Variants in CPNE4 observed in about 807,000 individuals in gnomAD.
The protein encoded by CPNE4 is copine-4.
In CPNE4, 25 loss-of-function variants were observed where a neutral mutation model predicts 67.9. The ratio of observed to expected loss-of-function variants is 0.37; its 90% CI spans 0.27 to 0.51. The LOEUF is 0.51. Among genes scored for constraint, CPNE4 ranks in the 20% least tolerant of loss-of-function variants. The pLI is 0.93. For synonymous variants in CPNE4, 242 were observed against 244.9 expected, an observed-to-expected ratio of 0.99 and a Z score of 0.11; for missense variants, 464 against 690.8, an observed-to-expected ratio of 0.67 and a Z score of 3.68.
At chr3:131,666,530 CAAA>C (rs1271683158) in intron 7 of CPNE4, among the ~76,000 whole-genome samples, 2 of 152,024 alleles carry the variant, frequency 1.3e-5, no homozygotes, top group African/African-American at 4.8e-5. Context: ...AAGTTTATAT[CAAA>C]AGAATTCAAG....
intron 10 of CPNE4, among the ~76,000 whole-genome samples, chr3:131,572,734 A>G (rs1219650820): frequency 6.6e-6 from 1 of 152,078 alleles, no homozygotes; most frequent in Non-Finnish European, 1.5e-5. Context: ...CTCAGGAGCC[A>G]AGGGTCACAT....
intron 1 of CPNE4, among the ~76,000 whole-genome samples, chr3:131,994,521 T>C (rs1431986665): frequency 5.8e-5 from 5 of 85,624 alleles, no homozygotes; most frequent in Admixed American, 1.8e-4. Context: ...TATATGCATA[T>C]TAAAGTCTGA....
At chr3:131,854,567 G>T (rs1190234806) in intron 2 of CPNE4, among the ~76,000 whole-genome samples, 1 of 151,678 alleles carries the variant, frequency 6.6e-6, no homozygotes, top group South Asian at 2.1e-4. Context: ...GTTAAAAATG[G>T]TTCCCAAAAT....
chr3:131,700,649 C>G (rs1439273821), intron 3 of CPNE4, among the ~76,000 whole-genome samples: 2 of 152,170 alleles, frequency 1.3e-5, no homozygotes, highest in East Asian at 3.9e-4. Context: ...GGCATTGAAG[C>G]CATGATTGGT....
At chr3:131,702,144 T>C (rs2081316371) in intron 3 of CPNE4, among the ~76,000 whole-genome samples, 1 of 152,072 alleles carries the variant, frequency 6.6e-6, no homozygotes, top group Non-Finnish European at 1.5e-5. Context: ...GAAGAGAAAA[T>C]ATTTCTGTAA....
At chr3:131,797,961 T>G (rs960828722) in intron 2 of CPNE4, among the ~76,000 whole-genome samples, 1 of 152,148 alleles carries the variant, frequency 6.6e-6, no homozygotes. Flanking sequence ...TGGTTCCCAG[T>G]GAGGGTTCTC....
chr3:131,954,124 A>C (rs1033224562), intron 1 of CPNE4, among the ~76,000 whole-genome samples: 11 of 152,196 alleles, frequency 7.2e-5, no homozygotes, highest in Non-Finnish European at 1.5e-4. Context: ...CACAGCACAC[A>C]GGAAAATATA....
At chr3:131,966,678 G>A (rs759918468) in intron 1 of CPNE4, among the ~76,000 whole-genome samples, 1 of 152,116 alleles carries the variant, frequency 6.6e-6, no homozygotes, top group Non-Finnish European at 1.5e-5. Flanking sequence ...CCAGGAAGAA[G>A]TCGAATCCCA....
At chr3:131,784,064 C>T (rs944766147) in intron 2 of CPNE4, among the ~76,000 whole-genome samples, 1 of 152,102 alleles carries the variant, frequency 6.6e-6, no homozygotes, top group Non-Finnish European at 1.5e-5. Flanking sequence ...TTAACTCTCA[C>T]TTGTGCTGAC....
intron 2 of CPNE4, among the ~76,000 whole-genome samples, chr3:131,851,536 C>G (rs2086242395): frequency 6.6e-6 from 1 of 152,046 alleles, no homozygotes; most frequent in Admixed American, 6.6e-5. Context: ...GTTTGACTTC[C>G]ATGCTCACAT....
chr3:131,926,790 T>C (rs1449513518), intron 1 of CPNE4, among the ~76,000 whole-genome samples: 1 of 152,170 alleles, frequency 6.6e-6, no homozygotes, highest in Non-Finnish European at 1.5e-5. Flanking sequence ...CCAAAATTCC[T>C]TTAATACCCT....
rs2071424814 is a variant in CPNE4 at position 131,942,463 on chromosome 3, T to TGTGTGTGA, written c.-1-37020_-1-37019insTCACACAC. Among the ~76,000 whole-genome samples the TGTGTGTGA allele has an allele frequency of 1.3e-3, 91 of 70,744 alleles. 1 individual carries two copies. The highest frequency in any genetic ancestry group is 4.5e-3 in the African/African-American group (90 of 20,052). 46.4% of individuals were successfully genotyped at this position (70,744 alleles called of 152,430 possible). A position where few individuals can be genotyped will look rare whatever the true frequency, so the allele number is the denominator to read the frequency against. ...GTGTGTGTGTGTGTGTGTGTGTGTGTGAGAGAGAGAGAGAGAGAGAGAGAG... is the reference window on the plus strand; with the variant it reads ...GTGTGTGTGTGTGTGTGTGTGTGTGTGTGTGTGAGAGAGAGAGAGAGAGAGAGAGAGAG... On this transcript the variant is annotated intron_variant, in intron 1 of 15. Coordinates refer to ENST00000429747, the MANE Select transcript of CPNE4 (RefSeq NM_130808.3).
intron 1 of CPNE4, among the ~76,000 whole-genome samples, chr3:132,031,124 C>T (rs956666662): frequency 6.6e-6 from 1 of 152,174 alleles, no homozygotes; most frequent in African/African-American, 2.4e-5. Flanking sequence ...TTGCCATCTA[C>T]ATTCAATCAG....
intron 10 of CPNE4, among the ~76,000 whole-genome samples, chr3:131,565,677 T>C (rs1937018283): frequency 6.6e-6 from 1 of 152,022 alleles, no homozygotes; most frequent in African/African-American, 2.4e-5. Flanking sequence ...TGTTCATCTG[T>C]GTTATGTTTT....
chr3:132,001,549 A>AGAAGAG (rs60979385), intron 1 of CPNE4, among the ~76,000 whole-genome samples: 14,317 of 109,694 alleles, frequency 0.13, 1,199 homozygotes, highest in East Asian at 0.18. Context: ...AGACAAAGAA[A>AGAAGAG]AAAGAGAAAG....
chr3:131,918,724 T>G (rs1026300868), intron 1 of CPNE4, among the ~76,000 whole-genome samples: 19 of 152,306 alleles, frequency 1.2e-4, no homozygotes, highest in African/African-American at 4.3e-4. Context: ...ACAGTTTTTT[T>G]GTAACAGGAC....
chr3:131,636,180 G>T (rs1291151461), intron 7 of CPNE4, among the ~76,000 whole-genome samples: 1 of 152,054 alleles, frequency 6.6e-6, no homozygotes, highest in East Asian at 1.9e-4. Flanking sequence ...GGCTCCCTGA[G>T]ATGCCAAAAA....
At chr3:132,006,057 C>T (rs899514886) in intron 1 of CPNE4, among the ~76,000 whole-genome samples, 5 of 152,134 alleles carry the variant, frequency 3.3e-5, no homozygotes, top group African/African-American at 1.2e-4. Flanking sequence ...ACATCCAGTA[C>T]ACCATCTGAC....
chr3:131,613,631 T>G (rs561182166), intron 7 of CPNE4, among the ~76,000 whole-genome samples: 1 of 152,334 alleles, frequency 6.6e-6, no homozygotes, highest in South Asian at 2.1e-4. Context: ...ACCTAAGTAT[T>G]GCTTTGGCAT....
Sources: allele counts gnomAD v4.1 joint callset (sites outside exome capture counted in the v4.1 genomes callset), GRCh38; gene constraint gnomAD v4.1.1; transcripts MANE v1.5; gene names NCBI Gene and HGNC (gene_info 2026-07-23, HGNC 2026-07-21).